The following DET1 variants were observed in gnomAD, a reference collection of about 807,000 sequenced individuals.
DET1 encodes DET1 homolog.
In DET1, 22 loss-of-function variants were observed where a neutral mutation model predicts 43.7. That is an observed-to-expected ratio of 0.50 (90% CI 0.36 to 0.72). DET1 has a LOEUF of 0.72. Ranked by LOEUF, DET1 falls within the 30% of genes least tolerant of loss-of-function variation. The pLI is 0.00. For missense variants in DET1, 713 were observed against 713.3 expected (o/e 1.00, Z 0.00); for synonymous variants, 315 against 266.2 (o/e 1.18, Z -1.79).
chr15:88,513,078 G>C lies in DET1; in HGVS notation c.1526C>G (p.Pro509Arg). The change falls in exon 5 of 5, where the codon CCC becomes CGC. Residue 509 changes from proline (P) to arginine (R), a missense_variant. Physicochemically the swap from Pro to Arg is moderately radical, Grantham distance 103. Transcript: ENST00000268148. ...FEIQAGLLGR[P>R]INHTVRRLVA... ...AAGGCGTCGCACTGTGTGGTTGATGGGGCGGCCCAATAACCCCGCCTGGAT... is the reference window on the plus strand; with the variant it reads ...AAGGCGTCGCACTGTGTGGTTGATGCGGCGGCCCAATAACCCCGCCTGGAT... 1.9e-6 allele frequency: 3 copies of C among 1,614,046 alleles called. No homozygotes were observed. Among genetic ancestry groups the C allele is most frequent in the Non-Finnish European group, 2.5e-6 (3 of 1,179,894 alleles).
chr15:88,534,942 C>A (rs149644776), intron 1 of DET1, among the ~76,000 whole-genome samples: 3 of 152,240 alleles, frequency 2.0e-5, no homozygotes, highest in African/African-American at 4.8e-5. Context: ...GGAAAAAACT[C>A]AATCTAGAAA....
In DET1 at chr15:88,516,488, T is replaced by C. The variant is rs1054674343; in HGVS notation, c.1463+294A>G. 2.6e-5 allele frequency among the ~76,000 whole-genome samples: 4 copies of C among 152,326 alleles called. No individual in the cohort carries two copies. The highest frequency in any genetic ancestry group is 2.0e-4 in the Admixed American group (3 of 15,296). On this transcript the variant is annotated intron_variant, in intron 4 of 4. Coordinates refer to ENST00000268148, the MANE Select transcript of DET1 (RefSeq NM_001144074.3). The surrounding 1 kb of genome is among the most constrained non-coding windows in gnomAD (Gnocchi z 4.4). Reference sequence around the variant, plus strand: ...CTCAATGTCAAAAACTATTATGGAATGGTATTAGATTATTAAATGGGAAAG... The same window carrying C: ...CTCAATGTCAAAAACTATTATGGAACGGTATTAGATTATTAAATGGGAAAG...
Position 88,531,560 on chromosome 15 carries a change from T to G in DET1, c.146A>C (p.Asn49Thr), listed in dbSNP as rs745935210. 4 of 1,613,942 alleles carry G rather than the reference T, an allele frequency of 2.5e-6. No individual in the cohort carries two copies. The highest frequency in any genetic ancestry group is 2.5e-6 in the Non-Finnish European group (3 of 1,179,860). The change falls in exon 2 of 5, where the codon AAC becomes ACC. Residue 49 changes from asparagine (N) to threonine (T), a missense_variant. Physicochemically the swap from Asn to Thr is moderately conservative, Grantham distance 65 (BLOSUM62 0). Transcript: ENST00000268148. This position sits in a 1 kb window ranked among gnomAD's most constrained non-coding sequence, Gnocchi z 6.2. ...VRVFHQNVFP[N>T]FTVVNVEKPP... ...CTTTTCAACGTTGACAACTGTGAAG[T>G]TGGGGAAGACATTCTGATGGAACAC...
At chr15:88,511,032 A>C (rs908811687), downstream of DET1, among the ~76,000 whole-genome samples, 1 of 152,046 alleles carries the variant, frequency 6.6e-6, no homozygotes, top group Non-Finnish European at 1.5e-5. Flanking sequence ...TCAGCCTCCC[A>C]AAGTGCTGGG....
At chr15:88,533,221 AAACTACAATGGGATATC>A (rs1441682705) in intron 1 of DET1, among the ~76,000 whole-genome samples, 1 of 152,234 alleles carries the variant, frequency 6.6e-6, no homozygotes, top group African/African-American at 2.4e-5. Context: ...ATGTAAATCA[AAACTACAATGGGATATC>A]ACCTCACACC....
At chr15:88,515,744 G>T (rs1813194452) in intron 4 of DET1, among the ~76,000 whole-genome samples, 1 of 151,758 alleles carries the variant, frequency 6.6e-6, no homozygotes, top group Non-Finnish European at 1.5e-5. Flanking sequence ...TACTTGTTTT[G>T]CTAGGATAGC....
intron 3 of DET1, among the ~76,000 whole-genome samples, chr15:88,519,683 T>A (rs2056438204): frequency 6.6e-6 from 1 of 152,192 alleles, no homozygotes; most frequent in African/African-American, 2.4e-5. Context: ...TCAACAATCT[T>A]AAATTCTCTT....
intron 1 of DET1, among the ~76,000 whole-genome samples, chr15:88,544,755 C>A (rs944618899): frequency 1.3e-5 from 2 of 152,272 alleles, no homozygotes; most frequent in South Asian, 2.1e-4. Context: ...CTCGGTCAGG[C>A]CCCTTCTAAA....
chr15:88,521,959 TG>T (rs1283658198), intron 3 of DET1, among the ~76,000 whole-genome samples: 1 of 151,556 alleles, frequency 6.6e-6, no homozygotes, highest in Non-Finnish European at 1.5e-5. Context: ...AAAAAAGCCA[TG>T]ATTTGTAGTG....
At chr15:88,527,834 A>C in intron 2 of DET1, 48 bp from the exon 3 acceptor site, 1 of 1,380,170 alleles carries the variant, frequency 7.2e-7, no homozygotes, top group Non-Finnish European at 9.5e-7. Context: ...GTATAATGCC[A>C]TGCGTAGGAA....
At chr15:88,506,336 C>T (rs2056140953) in intron 7 of DET1, among the ~76,000 whole-genome samples, 1 of 152,160 alleles carries the variant, frequency 6.6e-6, no homozygotes, top group Non-Finnish European at 1.5e-5. Context: ...ATAATTCTAT[C>T]AGGCACCATG....
chr15:88,540,547 C>G (rs1329234202), intron 1 of DET1, among the ~76,000 whole-genome samples: 1 of 150,946 alleles, frequency 6.6e-6, no homozygotes, highest in Non-Finnish European at 1.5e-5. Context: ...AAATTTTTCT[C>G]TTGGTGTGGG....
At chr15:88,538,030 C>G (rs1664134538) in intron 1 of DET1, among the ~76,000 whole-genome samples, 1 of 152,218 alleles carries the variant, frequency 6.6e-6, no homozygotes, top group African/African-American at 2.4e-5. Context: ...CCAGGTCTAC[C>G]TCGGTCATGC....
intron 3 of DET1, among the ~76,000 whole-genome samples, chr15:88,521,851 T>C (rs1251942915): frequency 6.6e-6 from 1 of 151,836 alleles, no homozygotes; most frequent in African/African-American, 2.4e-5. Context: ...CAAAATTTCA[T>C]GATGATATGC....
At position 88,525,282 on chromosome 15, in the gene DET1, GA is replaced by G. The variant is rs201793488; in HGVS notation, c.1271+2316del. 7.3e-3 allele frequency among the ~76,000 whole-genome samples: 1,098 copies of G among 151,408 alleles called. 14 individuals are homozygous for G. The highest frequency in any genetic ancestry group is 0.023 in the African/African-American group (930 of 41,288). ...AACTGCTTAAATTTAGTAGTAACAGGAAAAAAAAATTTAAAAATCGACTTAA... is the reference window on the plus strand; with the variant it reads ...AACTGCTTAAATTTAGTAGTAACAGGAAAAAAAATTTAAAAATCGACTTAA... On this transcript the variant is annotated intron_variant, in intron 3 of 4. Coordinates refer to ENST00000268148, the MANE Select transcript of DET1 (RefSeq NM_001144074.3).
At chr15:88,502,119 A>G (rs564268498) in intron 8 of DET1, 2 of 152,314 alleles carry the variant, frequency 1.3e-5, no homozygotes, top group East Asian at 3.9e-4. Flanking sequence ...TGAATGATAG[A>G]GGCAATTTAT....
rs767725783 is a variant in DET1 at position 88,531,163 on chromosome 15, G to A, written c.543C>T (p.Thr181=). 4 of 1,613,920 alleles carry A rather than the reference G, an allele frequency of 2.5e-6. No homozygotes were observed. The Admixed American group carries it at 5.0e-5, about 20-fold the overall frequency. Reference sequence around the variant, plus strand: ...CTTCTAGAGGGGACCGTGGGTTGGGGGTCACTGATTCACTGTTCCGATATA... The same window carrying A: ...CTTCTAGAGGGGACCGTGGGTTGGGAGTCACTGATTCACTGTTCCGATATA... ...FEVYRNSESV[T]PNPRSPLEDY... The change falls in exon 2 of 5, where the codon ACC becomes ACT. Residue 181 remains threonine (T), a synonymous_variant. Coordinates refer to ENST00000268148, the MANE Select transcript of DET1 (RefSeq NM_001144074.3). This position sits in a 1 kb window ranked among gnomAD's most constrained non-coding sequence, Gnocchi z 6.2.
At chr15:88,522,347 G>C (rs143839442) in intron 3 of DET1, among the ~76,000 whole-genome samples, 1 of 151,982 alleles carries the variant, frequency 6.6e-6, no homozygotes, top group African/African-American at 2.4e-5. Flanking sequence ...TCAGGAATTA[G>C]ACAGATATTT....
chr15:88,503,379 A>G (rs757192988), intron 8 of DET1: 10 of 152,238 alleles, frequency 6.6e-5, no homozygotes, highest in African/African-American at 9.6e-5. Context: ...ATCCACCTAC[A>G]AGGAAGAAGA....
Sources: allele counts gnomAD v4.1 joint callset (sites outside exome capture counted in the v4.1 genomes callset), GRCh38; gene constraint gnomAD v4.1.1; non-coding constraint Gnocchi (gnomAD v3.1); transcripts MANE v1.5; gene names NCBI Gene and HGNC (gene_info 2026-07-23, HGNC 2026-07-21).